Variants in PHACTR1 observed in about 807,000 individuals in gnomAD.
The protein encoded by PHACTR1 is RPEL repeat containing 1.
A neutral mutation model predicts 69.2 loss-of-function variants in PHACTR1; 16 were observed. The ratio of observed to expected loss-of-function variants is 0.23; its 90% CI spans 0.16 to 0.35. The LOEUF (loss-of-function observed/expected upper bound fraction) is 0.35. Ranked by LOEUF, PHACTR1 falls within the 10% of genes least tolerant of loss-of-function variation. The probability of loss-of-function intolerance (pLI) is 1.00; values close to 1 mark genes in which losing one functional copy is unlikely to be tolerated. For missense variants in PHACTR1, 510 were observed against 734.7 expected (o/e 0.69, Z 3.54); for synonymous variants, 312 against 284.5 (o/e 1.10, Z -0.97).
At chr6:12,757,820 A>C (rs113170764) in intron 4 of PHACTR1, among the ~76,000 whole-genome samples, 10 of 152,250 alleles carry the variant, frequency 6.6e-5, no homozygotes, top group African/African-American at 2.4e-4. Context: ...TACATTTAAA[A>C]AGCAGTTATG....
intron 8 of PHACTR1, among the ~76,000 whole-genome samples, chr6:13,220,358 G>A (rs142824316): frequency 1.2e-3 from 181 of 152,264 alleles, no homozygotes; most frequent in Non-Finnish European, 3.4e-4. Context: ...AAATTCATCT[G>A]TTTTTCCCTT....
intron 6 of PHACTR1, among the ~76,000 whole-genome samples, chr6:13,178,691 G>T (rs1187398753): frequency 1.3e-5 from 2 of 152,222 alleles, no homozygotes; most frequent in Non-Finnish European, 2.9e-5. Context: ...AGCAGCTCAT[G>T]ATTGGAGGTT....
intron 3 of PHACTR1, among the ~76,000 whole-genome samples, chr6:12,721,826 C>T (rs971071058): frequency 6.6e-6 from 1 of 152,202 alleles, no homozygotes; most frequent in Non-Finnish European, 1.5e-5. Context: ...AATAAAGGAA[C>T]AGTGAATGGG....
intron 5 of PHACTR1, among the ~76,000 whole-genome samples, chr6:13,135,777 G>C (rs1821450924): frequency 6.6e-6 from 1 of 152,042 alleles, no homozygotes. Flanking sequence ...TCAGCACTTT[G>C]GGAGGCTGAG....
intron 3 of PHACTR1, among the ~76,000 whole-genome samples, chr6:12,720,684 G>A (rs1014409812): frequency 6.6e-6 from 1 of 152,350 alleles, no homozygotes; most frequent in Non-Finnish European, 1.5e-5. Flanking sequence ...GGGGGTTCCC[G>A]CACACATTGT....
chr6:13,228,032 G>A lies in PHACTR1; in HGVS notation c.1203G>A (p.Glu401=). The change falls in exon 9 of 15, where the codon GAG becomes GAA. Residue 401 remains glutamate (E), a synonymous_variant. Coordinates refer to ENST00000332995, the MANE Select transcript of PHACTR1 (RefSeq NM_030948.6). The part of the protein sequence containing the change: ...LYTREEEEEE[E]DEDDDSSLYT... The stretch of plus-strand genomic sequence containing the variant: ...CAAGAGAAGAGGAGGAAGAGGAGGA[G>A]GACGAAGACGACGACAGCTCATTAT... The A allele has an allele frequency of 6.2e-7, 1 of 1,613,706 alleles. No homozygotes were observed. Among genetic ancestry groups the A allele is most frequent in the Non-Finnish European group, 8.5e-7 (1 of 1,179,880 alleles).
intron 4 of PHACTR1, among the ~76,000 whole-genome samples, chr6:12,901,697 T>C (rs1294838015): frequency 6.6e-6 from 1 of 152,182 alleles, no homozygotes; most frequent in African/African-American, 2.4e-5. Flanking sequence ...GGTTTCACCA[T>C]GTTGGTCAGG....
chr6:12,843,150 G>T (rs1484385378), intron 4 of PHACTR1, among the ~76,000 whole-genome samples: 2 of 152,276 alleles, frequency 1.3e-5, no homozygotes, highest in East Asian at 3.9e-4. Context: ...AGAATATTCA[G>T]AACTTTTCTA....
intron 4 of PHACTR1, among the ~76,000 whole-genome samples, chr6:12,802,642 G>A (rs1021544024): frequency 2.6e-5 from 4 of 152,022 alleles, no homozygotes; most frequent in Non-Finnish European, 4.4e-5. Context: ...AAACTATGAC[G>A]CAATGCTTTT....
At chr6:12,877,371 C>T (rs1023728183) in intron 4 of PHACTR1, among the ~76,000 whole-genome samples, 2 of 152,146 alleles carry the variant, frequency 1.3e-5, no homozygotes, top group Non-Finnish European at 1.5e-5. Context: ...CTTTGATGGC[C>T]ATCCAGGGTG....
At chr6:13,197,840 G>C (rs545462805) in intron 7 of PHACTR1, among the ~76,000 whole-genome samples, 57 of 152,288 alleles carry the variant, frequency 3.7e-4, no homozygotes, top group African/African-American at 1.2e-3. Flanking sequence ...AAGGCTCTGG[G>C]CATTTGTTAT....
rs1765403321 is a variant in PHACTR1, at chr6:13,202,747, G to A, written c.665-3068G>A. On this transcript the variant is annotated intron_variant, in intron 7 of 14. Coordinates refer to ENST00000332995, the MANE Select transcript of PHACTR1 (RefSeq NM_030948.6). ...CTGCCTCGGCCTCGAAAAGTGCTGG[G>A]ATTACAGGCGTGGGCCACCGCGCCC... is the stretch of plus-strand genomic sequence containing the variant. 2.0e-5 allele frequency among the ~76,000 whole-genome samples: 3 copies of A among 152,238 alleles called. No homozygotes were observed. In the South Asian group the frequency reaches 6.2e-4, roughly 32 times the overall value.
At position 13,046,875 on chromosome 6, in the gene PHACTR1, A is replaced by G. The variant is rs60954348; in HGVS notation, c.251-6490A>G. ...TAGTTAATCAATTCTAGGTTGTCAG[A>G]AACTCTTCCAAGAGATCCAGCCTCT... On this transcript the variant is annotated intron_variant, in intron 4 of 14. Transcript: ENST00000332995. 7.3e-3 allele frequency among the ~76,000 whole-genome samples: 1,108 copies of G among 152,280 alleles called. 47 individuals are homozygous for G. In the South Asian group the frequency reaches 0.13, roughly 17 times the overall value.
intron 8 of PHACTR1, among the ~76,000 whole-genome samples, chr6:13,226,422 T>G (rs1353846764): frequency 4.6e-5 from 7 of 152,206 alleles, no homozygotes; most frequent in Non-Finnish European, 8.8e-5. Flanking sequence ...CTTACTGATA[T>G]ATAATATAAC....
chr6:12,808,064 G>A (rs1023521211), intron 4 of PHACTR1, among the ~76,000 whole-genome samples: 1 of 152,102 alleles, frequency 6.6e-6, no homozygotes, highest in African/African-American at 2.4e-5. Context: ...AATGAGTCAG[G>A]ATACTCATGA....
intron 4 of PHACTR1, among the ~76,000 whole-genome samples, chr6:12,873,291 A>G (rs909698416): frequency 2.6e-5 from 4 of 152,188 alleles, no homozygotes; most frequent in Non-Finnish European, 5.9e-5. Context: ...TGCTGGGAAT[A>G]CAGTCATAAG....
intron 5 of PHACTR1, among the ~76,000 whole-genome samples, chr6:13,081,796 C>T (rs896358528): frequency 1.1e-4 from 17 of 152,174 alleles, no homozygotes; most frequent in African/African-American, 3.9e-4. Flanking sequence ...CACTGCACTT[C>T]AGCCTAGGCG....
chr6:13,107,086 TTCTC>T lies in PHACTR1; in HGVS notation c.416-53102_416-53099del, dbSNP rs35821925. On this transcript the variant is annotated intron_variant, in intron 5 of 14. Coordinates refer to ENST00000332995, the MANE Select transcript of PHACTR1 (RefSeq NM_030948.6). ...ATAAAATGAGTTAGGAGATGTTTCC[TTCTC>T]TCTCTCTCTCTCTCTTTTACTCTCT... Among the ~76,000 whole-genome samples, 942 of 150,638 alleles carry T rather than the reference TTCTC, an allele frequency of 6.3e-3. 17 individuals are homozygous for T. Among genetic ancestry groups the T allele is most frequent in the Non-Finnish European group, 9.0e-3 (607 of 67,542 alleles).
intron 4 of PHACTR1, among the ~76,000 whole-genome samples, chr6:12,944,207 G>C (rs997932386): frequency 6.6e-6 from 1 of 152,150 alleles, no homozygotes; most frequent in African/African-American, 2.4e-5. Context: ...AATGATCGAG[G>C]GCATGCCATC....
Sources: allele counts gnomAD v4.1 joint callset (sites outside exome capture counted in the v4.1 genomes callset), GRCh38; gene constraint gnomAD v4.1.1; transcripts MANE v1.5; gene names NCBI Gene and HGNC (gene_info 2026-07-23, HGNC 2026-07-21).